The following IGFL2 variants were observed in gnomAD, a reference collection of about 807,000 sequenced individuals.
The protein encoded by IGFL2 is IGF like family member 2, also known as insulin growth factor-like family member 2.
IGFL2 carries 7 observed loss-of-function variants against 13.9 expected under a neutral mutation model. The ratio of observed to expected loss-of-function variants is 0.51; its 90% CI spans 0.29 to 0.95. The LOEUF (loss-of-function observed/expected upper bound fraction) is 0.95. IGFL2 is among the 40% of genes least tolerant of loss of function. IGFL2 has a pLI of 0.08. For missense variants in IGFL2, 138 were observed against 147.8 expected, an observed-to-expected ratio of 0.93 and a Z score of 0.34; for synonymous variants, 55 against 55.8, an observed-to-expected ratio of 0.99 and a Z score of 0.07.
chr19:46,119,482 A>T, the IGFL2 span, among the ~76,000 whole-genome samples: 1 of 141,092 alleles, frequency 7.1e-6, no homozygotes, highest in African/African-American at 2.8e-5. Flanking sequence ...TACTGACTGG[A>T]GCCAGGGTAT....
At chr19:46,208,643 G>A in the IGFL2 span, 1 of 152,244 alleles carries the variant, frequency 6.6e-6, no homozygotes, top group East Asian at 1.9e-4. Flanking sequence ...GGATCATGGG[G>A]GCAGTTTTTT....
At chr19:46,134,451 T>C in the IGFL2 span, among the ~76,000 whole-genome samples, 8 of 152,132 alleles carry the variant, frequency 5.3e-5, no homozygotes, top group East Asian at 1.2e-3. Flanking sequence ...AATGAAATAA[T>C]ATACATTATA....
At chr19:46,153,570 T>C (rs2146855500) in intron 1 of IGFL2, among the ~76,000 whole-genome samples, 1 of 152,228 alleles carries the variant, frequency 6.6e-6, no homozygotes, top group East Asian at 1.9e-4. Context: ...CATATTGTTT[T>C]ATGCCATTAC....
the IGFL2 span, among the ~76,000 whole-genome samples, chr19:46,094,061 G>A: frequency 7.1e-6 from 1 of 141,614 alleles, no homozygotes; most frequent in Non-Finnish European, 1.5e-5. Flanking sequence ...TTTTTGCCAG[G>A]GGTAGGGGGT....
the IGFL2 span, among the ~76,000 whole-genome samples, chr19:46,083,779 A>T: frequency 6.6e-6 from 1 of 152,162 alleles, no homozygotes; most frequent in Non-Finnish European, 1.5e-5. Context: ...TGGAAGAGGT[A>T]GTGATTAGAG....
At chr19:46,211,383 T>G in the IGFL2 span, among the ~76,000 whole-genome samples, 9 of 152,220 alleles carry the variant, frequency 5.9e-5, no homozygotes, top group South Asian at 2.1e-4. Context: ...AACCCGGCCT[T>G]CCTTCTACAT....
chr19:46,181,174 G>T, the IGFL2 span: 1 of 150,938 alleles, frequency 6.6e-6, no homozygotes. Context: ...TGCTACATTT[G>T]GTTGTGTGTT....
chr19:46,107,697 A>T, the IGFL2 span, among the ~76,000 whole-genome samples: 1 of 152,096 alleles, frequency 6.6e-6, no homozygotes, highest in Non-Finnish European at 1.5e-5. Context: ...AGGCGAGGTT[A>T]ATTAAGTTCT....
At chr19:46,191,560 T>A in the IGFL2 span, among the ~76,000 whole-genome samples, 2,140 of 152,246 alleles carry the variant, frequency 0.014, 56 homozygotes, top group African/African-American at 0.047. Context: ...CTTTATGTCA[T>A]ACTTTGGATT....
At chr19:46,137,180 A>C in the IGFL2 span, 1 of 1,602,200 alleles carries the variant, frequency 6.2e-7, no homozygotes, top group African/African-American at 1.3e-5. Context: ...TTTGATGCCC[A>C]TCACAAACTT....
chr19:46,138,630 G>C (rs938104475), upstream of IGFL2, among the ~76,000 whole-genome samples: 5 of 152,132 alleles, frequency 3.3e-5, no homozygotes, highest in African/African-American at 1.2e-4. Context: ...ATCCTGGTGG[G>C]ACCTGTCTGC....
At chr19:46,181,361 G>A in the IGFL2 span, 2 of 152,326 alleles carry the variant, frequency 1.3e-5, no homozygotes, top group East Asian at 1.9e-4. Flanking sequence ...AATTATGGAA[G>A]GGGACTTGAA....
the IGFL2 span, among the ~76,000 whole-genome samples, chr19:46,132,670 G>A: frequency 1.4e-5 from 2 of 138,558 alleles, no homozygotes; most frequent in Non-Finnish European, 3.3e-5. Flanking sequence ...TAGAGGGAGA[G>A]AGGGAGGGAG....
chr19:46,118,779 A>G, the IGFL2 span, among the ~76,000 whole-genome samples: 1 of 152,146 alleles, frequency 6.6e-6, no homozygotes, highest in Non-Finnish European at 1.5e-5. Flanking sequence ...TGAGACTTAC[A>G]CGTGAGCAGA....
chr19:46,091,419 C>T, the IGFL2 span, among the ~76,000 whole-genome samples: 7 of 152,126 alleles, frequency 4.6e-5, no homozygotes, highest in African/African-American at 1.4e-4. Flanking sequence ...AGGTGCTTGG[C>T]CTACATATTT....
the IGFL2 span, among the ~76,000 whole-genome samples, chr19:46,169,514 G>A: frequency 1.3e-5 from 2 of 152,210 alleles, no homozygotes; most frequent in Non-Finnish European, 2.9e-5. Flanking sequence ...ATTGGTGATA[G>A]TGTTGGAGAC....
chr19:46,099,845 C>T, the IGFL2 span, among the ~76,000 whole-genome samples: 17 of 152,042 alleles, frequency 1.1e-4, no homozygotes, highest in Non-Finnish European at 2.2e-4. Flanking sequence ...CCTTTTCATT[C>T]TTTTTTTCTC....
At chr19:46,081,235 G>C in the IGFL2 span, among the ~76,000 whole-genome samples, 1 of 152,176 alleles carries the variant, frequency 6.6e-6, no homozygotes, top group African/African-American at 2.4e-5. Context: ...TCATTATCGT[G>C]ATTGCGTTTT....
Position 46,160,250 on chromosome 19 carries a change from G to A in IGFL2, c.20-165G>A, listed in dbSNP as rs957318090. ...CATGCTTCTCTGGCCCTGCTGTCTG[G>A]ACTCTTAACTGTGTCAGTTAGATCC... On this transcript the variant is annotated intron_variant, in intron 1 of 3. Transcript: ENST00000377693. The A allele has an allele frequency of 9.6e-6, 6 of 626,690 alleles. No individual in the cohort carries two copies. In the Admixed American group the frequency reaches 1.6e-4, roughly 17 times the overall value. The allele number at this position is 626,690 out of a possible 1,614,324, so 38.8% of individuals were successfully genotyped here. A position where few individuals can be genotyped will look rare whatever the true frequency, so the allele number is the denominator to read the frequency against.
Sources: allele counts gnomAD v4.1 joint callset (sites outside exome capture counted in the v4.1 genomes callset), GRCh38; gene constraint gnomAD v4.1.1; transcripts MANE v1.5; gene names NCBI Gene and HGNC (gene_info 2026-07-23, HGNC 2026-07-21).